CLEC16A: variants seen among roughly 807,000 people sequenced by gnomAD.
The protein encoded by CLEC16A is protein CLEC16A.
Under a neutral mutation model 109.5 loss-of-function variants are expected in CLEC16A, and 51 were observed. The ratio of observed to expected loss-of-function variants is 0.47; its 90% CI spans 0.37 to 0.59. The LOEUF is 0.59. CLEC16A is among the 20% of genes least tolerant of loss of function. The pLI is 0.00. For synonymous variants in CLEC16A, 673 were observed against 564.2 expected (o/e 1.19, Z -2.73); for missense variants, 1,339 against 1,394.0 (o/e 0.96, Z 0.63).
rs72650660 is a variant in CLEC16A, at chr16:11,020,335, C to T, written c.1436+10C>T. 0.019 allele frequency: 31,055 copies of T among 1,599,846 alleles called. 393 individuals are homozygous for T. Among genetic ancestry groups the T allele is most frequent in the Non-Finnish European group, 0.023 (26,745 of 1,173,236 alleles). On this transcript the variant is annotated intron_variant, in intron 12 of 23. Coordinates refer to ENST00000409790, the MANE Select transcript of CLEC16A (RefSeq NM_015226.3). ...GCACGCAATGGAGCAGGTAGCTGCCCGAGAGGTCGATGCTGAGTGCTCTCT... is the reference window on the plus strand; with the variant it reads ...GCACGCAATGGAGCAGGTAGCTGCCTGAGAGGTCGATGCTGAGTGCTCTCT...
intron 19 of CLEC16A, among the ~76,000 whole-genome samples, chr16:11,063,701 G>A (rs1323969797): frequency 1.3e-5 from 2 of 152,182 alleles, no homozygotes; most frequent in Non-Finnish European, 2.9e-5. Context: ...TCTCTCGGCT[G>A]GGTGTGACAG....
At chr16:11,175,036 A>G (rs993193572) in intron 23 of CLEC16A, among the ~76,000 whole-genome samples, 1 of 151,626 alleles carries the variant, frequency 6.6e-6, no homozygotes, top group East Asian at 1.9e-4. Context: ...TTGAAATCCT[A>G]TTTTCTCTGA....
chr16:11,102,912 G>A (rs2051003311), intron 19 of CLEC16A, among the ~76,000 whole-genome samples: 1 of 152,180 alleles, frequency 6.6e-6, no homozygotes, highest in African/African-American at 2.4e-5. Context: ...GAGGGCCAGA[G>A]GGGAGACGGC....
chr16:10,998,197 A>T (rs187990848), intron 10 of CLEC16A, among the ~76,000 whole-genome samples: 1 of 152,324 alleles, frequency 6.6e-6, no homozygotes, highest in East Asian at 1.9e-4. Flanking sequence ...CTGATGGAAG[A>T]CGTCATTAAC....
intron 22 of CLEC16A, chr16:11,156,500 G>A: frequency 1.2e-6 from 1 of 831,600 alleles, no homozygotes; most frequent in Non-Finnish European, 1.8e-6. Flanking sequence ...TGCTCCAGCT[G>A]GGGTCAGTGA....
intron 19 of CLEC16A, among the ~76,000 whole-genome samples, chr16:11,106,866 A>G (rs1403571496): frequency 6.6e-6 from 1 of 152,190 alleles, no homozygotes; most frequent in African/African-American, 2.4e-5. Context: ...CCACAGCTGG[A>G]AGGTGGCAGA....
intron 11 of CLEC16A, among the ~76,000 whole-genome samples, chr16:11,019,428 A>AT (rs901211983): frequency 6.6e-6 from 1 of 150,606 alleles, no homozygotes; most frequent in African/African-American, 2.5e-5. Context: ...TAAGTAAAAA[A>AT]GGAAAACAAA....
intron 14 of CLEC16A, chr16:11,041,908 C>G (rs998169058): frequency 9.4e-6 from 2 of 213,622 alleles, no homozygotes; most frequent in African/African-American, 4.6e-5. Context: ...CCACCCAAAT[C>G]ACATGACCCA....
At chr16:11,130,014 G>A (rs778808065) in intron 22 of CLEC16A, among the ~76,000 whole-genome samples, 1 of 152,078 alleles carries the variant, frequency 6.6e-6, no homozygotes, top group Non-Finnish European at 1.5e-5. Context: ...CGCCTGTCTC[G>A]GCCTCCCAAA....
intron 19 of CLEC16A, among the ~76,000 whole-genome samples, chr16:11,074,120 C>T (rs1478223228): frequency 2.0e-5 from 3 of 152,102 alleles, no homozygotes; most frequent in African/African-American, 7.2e-5. Flanking sequence ...TATTTAACCT[C>T]TCTAAGGGCT....
chr16:11,176,071 G>T (rs747978480), intron 23 of CLEC16A, among the ~76,000 whole-genome samples: 1 of 152,096 alleles, frequency 6.6e-6, no homozygotes, highest in Non-Finnish European at 1.5e-5. Context: ...TTTGTCACAG[G>T]TCTGCTCATG....
At chr16:10,979,430 G>T in intron 9 of CLEC16A, 48 bp downstream of exon 9, 1 of 1,549,544 alleles carries the variant, frequency 6.5e-7, no homozygotes, top group Admixed American at 1.8e-5. Context: ...GGGGTCCCTT[G>T]GCGTGCCACT....
intron 11 of CLEC16A, among the ~76,000 whole-genome samples, chr16:11,008,169 C>T (rs2045154541): frequency 1.3e-5 from 2 of 152,166 alleles, no homozygotes; most frequent in African/African-American, 4.8e-5. Context: ...CCTAGGTAAC[C>T]AGCCAGGCAT....
At chr16:11,078,260 G>C (rs1195927551) in intron 19 of CLEC16A, among the ~76,000 whole-genome samples, 1 of 152,092 alleles carries the variant, frequency 6.6e-6, no homozygotes, top group Admixed American at 6.5e-5. Flanking sequence ...CCTCACTCCA[G>C]AAGGTTCTGA....
At chr16:10,946,132 A>G (rs547830429) in intron 1 of CLEC16A, among the ~76,000 whole-genome samples, 6 of 152,334 alleles carry the variant, frequency 3.9e-5, no homozygotes, top group East Asian at 3.9e-4. Flanking sequence ...AGGGGAGTAG[A>G]CAAATCTTCA....
At position 11,171,100 on chromosome 16, in the gene CLEC16A, G is replaced by A. The variant is rs150957096; in HGVS notation, c.2806+4548G>A. On this transcript the variant is annotated intron_variant, in intron 23 of 23. Coordinates refer to ENST00000409790, the MANE Select transcript of CLEC16A (RefSeq NM_015226.3). Reference sequence around the variant, plus strand: ...ACATTCTGTCTTCCCAAATGCAGACGGGCCGTGGGCAGGGGGGAGGACACT... The same window carrying A: ...ACATTCTGTCTTCCCAAATGCAGACAGGCCGTGGGCAGGGGGGAGGACACT... 1.8e-3 allele frequency among the ~76,000 whole-genome samples: 271 copies of A among 152,306 alleles called. 3 individuals are homozygous for A. The South Asian group carries it at 0.024, about 14-fold the overall frequency.
At position 11,005,083 on chromosome 16, in the gene CLEC16A, T is replaced by G. The variant is rs185710140; in HGVS notation, c.1303+1778T>G. ...TGCATTGTGTTCTCATCGATTTTGT[T>G]TTGGAAAGATGCTACCTCTTTCATT... is the stretch of plus-strand genomic sequence containing the variant. On this transcript the variant is annotated intron_variant, in intron 11 of 23. Coordinates refer to ENST00000409790, the MANE Select transcript of CLEC16A (RefSeq NM_015226.3). Among the ~76,000 whole-genome samples, 4 of 152,320 alleles carry G rather than the reference T, an allele frequency of 2.6e-5. No individual in the cohort carries two copies. In the East Asian group the frequency reaches 7.7e-4, roughly 29 times the overall value.
intron 23 of CLEC16A, among the ~76,000 whole-genome samples, chr16:11,176,088 C>T (rs1050194740): frequency 1.3e-5 from 2 of 152,216 alleles, no homozygotes; most frequent in African/African-American, 4.8e-5. Flanking sequence ...CATGCCCATT[C>T]GAAGCAAGGG....
chr16:11,174,103 C>T lies in CLEC16A; in HGVS notation c.2807-4232C>T, dbSNP rs576027871. ...AGTGTCCCCTCCATGTCGCCTCTGC[C>T]GTCCCATTGTTAAAGGCTTTCTATG... On this transcript the variant is annotated intron_variant, in intron 23 of 23. Transcript: ENST00000409790. The surrounding 1 kb of genome is among the most constrained non-coding windows in gnomAD (Gnocchi z 4.7). The T allele has an allele frequency of 1.3e-5, 6 of 450,548 alleles. No individual in the cohort carries two copies. The highest frequency in any genetic ancestry group is 4.7e-5 in the South Asian group (3 of 63,222). 27.9% of individuals were successfully genotyped at this position (450,548 alleles called of 1,614,324 possible). A position where few individuals can be genotyped will look rare whatever the true frequency, so the allele number is the denominator to read the frequency against.
Sources: allele counts gnomAD v4.1 joint callset (sites outside exome capture counted in the v4.1 genomes callset), GRCh38; gene constraint gnomAD v4.1.1; non-coding constraint Gnocchi (gnomAD v3.1); transcripts MANE v1.5; gene names NCBI Gene and HGNC (gene_info 2026-07-23, HGNC 2026-07-21).